Variants in CNTN4 observed in about 807,000 individuals in gnomAD.
The protein encoded by CNTN4 is contactin-4.
In CNTN4, 77 loss-of-function variants were observed where a neutral mutation model predicts 122.5. That is an observed-to-expected ratio of 0.63 (90% CI 0.52 to 0.76). The LOEUF is 0.76. CNTN4 is among the 30% of genes least tolerant of loss of function. CNTN4 has a pLI of 0.00. For missense variants in CNTN4, 1,256 were observed against 1,259.1 expected (o/e 1.00, Z 0.04); for synonymous variants, 512 against 447.0 (o/e 1.15, Z -1.83).
At chr3:3,019,229 A>C (rs1420020) in intron 14 of CNTN4, among the ~76,000 whole-genome samples, 15,920 of 152,214 alleles carry the variant, frequency 0.1, 902 homozygotes, top group Middle Eastern at 0.22. Flanking sequence ...GGTGGGTACA[A>C]GTTTGATGAC....
At chr3:2,953,093 A>G (rs1040472786) in intron 13 of CNTN4, among the ~76,000 whole-genome samples, 11 of 152,196 alleles carry the variant, frequency 7.2e-5, no homozygotes, top group African/African-American at 2.4e-4. Context: ...TGACTTCAAA[A>G]CGACATAAAC....
chr3:2,723,356 G>C (rs1186364386), intron 4 of CNTN4, among the ~76,000 whole-genome samples: 2 of 152,140 alleles, frequency 1.3e-5, no homozygotes, highest in African/African-American at 4.8e-5. Flanking sequence ...CACAGCCTTA[G>C]TCCATTTGTG....
intron 3 of CNTN4, among the ~76,000 whole-genome samples, chr3:2,426,934 T>C (rs926509269): frequency 3.9e-5 from 6 of 152,232 alleles, no homozygotes; most frequent in Non-Finnish European, 7.3e-5. Context: ...TATCTTTTTT[T>C]ATTACGTCTA....
chr3:3,034,567 T>C, intron 16 of CNTN4, 65 bp from the exon 17 acceptor site: 1 of 1,512,560 alleles, frequency 6.6e-7, no homozygotes, highest in Non-Finnish European at 9.2e-7. Flanking sequence ...CATTCAAGTA[T>C]GTGGCTCCTT....
chr3:2,186,867 T>C (rs948246078), intron 2 of CNTN4, among the ~76,000 whole-genome samples: 2 of 152,228 alleles, frequency 1.3e-5, no homozygotes, highest in African/African-American at 4.8e-5. Context: ...TTTCTCCCAT[T>C]CTGTAGGTTG....
chr3:3,051,931 C>T (rs888893463), intron 23 of CNTN4, among the ~76,000 whole-genome samples: 5 of 152,098 alleles, frequency 3.3e-5, no homozygotes, highest in African/African-American at 4.8e-5. Flanking sequence ...AACGCATGAT[C>T]CCTGGACCAT....
chr3:2,932,355 G>A lies in CNTN4; in HGVS notation c.1358+6576G>A, dbSNP rs553603870. On this transcript the variant is annotated intron_variant, in intron 13 of 24. Coordinates refer to ENST00000418658, the MANE Select transcript of CNTN4 (RefSeq NM_175607.3). ...ATTGCACCACTGCACTCCAGCCTGA[G>A]TGACAGAGCGAGACTCCGTCTCAAA... is the stretch of plus-strand genomic sequence containing the variant. Among the ~76,000 whole-genome samples the A allele has an allele frequency of 2.6e-5, 4 of 152,284 alleles. No homozygotes were observed. The South Asian group carries it at 8.3e-4, about 32-fold the overall frequency.
intron 2 of CNTN4, among the ~76,000 whole-genome samples, chr3:2,134,630 A>G (rs1299912473): frequency 1.3e-5 from 2 of 152,158 alleles, no homozygotes; most frequent in Non-Finnish European, 2.9e-5. Context: ...CTATTTGACA[A>G]TGGCTGGTCC....
chr3:2,290,884 G>T (rs2042108695), intron 2 of CNTN4, among the ~76,000 whole-genome samples: 1 of 152,094 alleles, frequency 6.6e-6, no homozygotes, highest in Non-Finnish European at 1.5e-5. Flanking sequence ...GTTTATTGTG[G>T]CTAAAATGAC....
At chr3:3,029,115 T>C (rs1420535386) in intron 15 of CNTN4, among the ~76,000 whole-genome samples, 1 of 152,230 alleles carries the variant, frequency 6.6e-6, no homozygotes, top group East Asian at 1.9e-4. Context: ...TCCCATTTTA[T>C]TGAGCAATTA....
intron 4 of CNTN4, among the ~76,000 whole-genome samples, chr3:2,647,002 G>T (rs1439781762): frequency 6.6e-6 from 1 of 152,172 alleles, no homozygotes; most frequent in African/African-American, 2.4e-5. Flanking sequence ...TGCCAAGGTT[G>T]AATTTCCCTT....
chr3:2,475,275 G>A (rs748504455), intron 3 of CNTN4, among the ~76,000 whole-genome samples: 1 of 152,154 alleles, frequency 6.6e-6, no homozygotes, highest in Non-Finnish European at 1.5e-5. Context: ...AGAAAAGGAT[G>A]CCATTTGTTT....
intron 4 of CNTN4, among the ~76,000 whole-genome samples, chr3:2,595,540 C>G (rs2080727510): frequency 6.6e-6 from 1 of 152,116 alleles, no homozygotes; most frequent in Non-Finnish European, 1.5e-5. Flanking sequence ...AGGGTCCGTT[C>G]TCTTCAGTAG....
At chr3:3,001,957 T>C (rs767101461) in intron 14 of CNTN4, among the ~76,000 whole-genome samples, 4 of 152,174 alleles carry the variant, frequency 2.6e-5, no homozygotes, top group African/African-American at 9.7e-5. Context: ...CAGTGGTTAA[T>C]TGGGACAAGA....
At chr3:3,011,077 C>T (rs751267631) in intron 14 of CNTN4, among the ~76,000 whole-genome samples, 2 of 152,166 alleles carry the variant, frequency 1.3e-5, no homozygotes, top group African/African-American at 4.8e-5. Flanking sequence ...TGGGCATTTG[C>T]GCTGATCTTC....
intron 2 of CNTN4, among the ~76,000 whole-genome samples, chr3:2,209,602 C>T (rs182150695): frequency 6.6e-6 from 1 of 152,224 alleles, no homozygotes; most frequent in Non-Finnish European, 1.5e-5. Context: ...CTATGATTTA[C>T]CCTGGAAACA....
intron 2 of CNTN4, among the ~76,000 whole-genome samples, chr3:2,103,571 C>T (rs529720044): frequency 3.6e-4 from 55 of 152,316 alleles, no homozygotes; most frequent in African/African-American, 1.3e-3. Context: ...CACTTCTCAG[C>T]AGAAACAAAT....
chr3:2,821,643 C>T (rs1559542851), intron 7 of CNTN4, among the ~76,000 whole-genome samples: 1 of 152,136 alleles, frequency 6.6e-6, no homozygotes, highest in African/African-American at 2.4e-5. Flanking sequence ...AGGCAACTTG[C>T]AGTGTCGGCT....
chr3:2,104,897 C>T (rs185851075), intron 2 of CNTN4, among the ~76,000 whole-genome samples: 18 of 152,234 alleles, frequency 1.2e-4, no homozygotes, highest in African/African-American at 4.1e-4. Flanking sequence ...TGCCTTGCTT[C>T]CTTTTAATTT....
Sources: allele counts gnomAD v4.1 joint callset (sites outside exome capture counted in the v4.1 genomes callset), GRCh38; gene constraint gnomAD v4.1.1; transcripts MANE v1.5; gene names NCBI Gene and HGNC (gene_info 2026-07-23, HGNC 2026-07-21).